Variants in DPP10 observed in about 807,000 individuals in gnomAD.
The protein encoded by DPP10 is dipeptidyl peptidase like 10.
DPP10 carries 33 observed loss-of-function variants against 120.9 expected under a neutral mutation model. That is an observed-to-expected ratio of 0.27 (90% CI 0.21 to 0.37). The LOEUF is 0.37. Ranked by LOEUF, DPP10 falls within the 10% of genes least tolerant of loss-of-function variation. The pLI is 1.00. For missense variants in DPP10, 816 were observed against 942.8 expected (o/e 0.87, Z 1.76); for synonymous variants, 337 against 326.1 (o/e 1.03, Z -0.36).
chr2:114,834,036 C>T (rs950067432), intron 1 of DPP10: 1 of 151,094 alleles, frequency 6.6e-6, no homozygotes, highest in Non-Finnish European at 1.5e-5. Flanking sequence ...CATATACACA[C>T]ACCTATGTAT....
At chr2:114,890,357 G>C (rs1476092094) in intron 1 of DPP10, among the ~76,000 whole-genome samples, 1 of 152,126 alleles carries the variant, frequency 6.6e-6, no homozygotes, top group East Asian at 1.9e-4. Flanking sequence ...AATTCTGAAA[G>C]GAAGATAGAG....
intron 1 of DPP10, among the ~76,000 whole-genome samples, chr2:114,900,705 T>G (rs1269089084): frequency 6.6e-6 from 1 of 152,224 alleles, no homozygotes; most frequent in Non-Finnish European, 1.5e-5. Flanking sequence ...AATTTTAATA[T>G]AATTTTCCAA....
chr2:114,937,150 C>T (rs1696547293), intron 1 of DPP10, among the ~76,000 whole-genome samples: 1 of 152,098 alleles, frequency 6.6e-6, no homozygotes, highest in African/African-American at 2.4e-5. Context: ...GGTTCCTGGT[C>T]ATGAAGTCTT....
intron 1 of DPP10, among the ~76,000 whole-genome samples, chr2:114,488,125 A>G (rs980555392): frequency 1.3e-5 from 2 of 152,228 alleles, no homozygotes; most frequent in Non-Finnish European, 2.9e-5. Context: ...AATTGCAAAA[A>G]TGGCTTTAAA....
intron 5 of DPP10, among the ~76,000 whole-genome samples, chr2:115,531,361 A>G (rs144334133): frequency 4.9e-4 from 74 of 152,188 alleles, no homozygotes; most frequent in African/African-American, 1.7e-3. Flanking sequence ...CTGATTCCTT[A>G]AACTGCAAGA....
chr2:115,239,900 G>A (rs2058189873), intron 1 of DPP10, among the ~76,000 whole-genome samples: 1 of 152,064 alleles, frequency 6.6e-6, no homozygotes, highest in Non-Finnish European at 1.5e-5. Flanking sequence ...ATGGTTTCCA[G>A]CTTCATCTGT....
chr2:115,242,000 T>G (rs959288963), intron 1 of DPP10, among the ~76,000 whole-genome samples: 1 of 152,118 alleles, frequency 6.6e-6, no homozygotes, highest in African/African-American at 2.4e-5. Flanking sequence ...GGTGGTACAG[T>G]TTTTTTAAAA....
intron 1 of DPP10, among the ~76,000 whole-genome samples, chr2:114,784,803 A>C (rs186551179): frequency 6.6e-6 from 1 of 150,938 alleles, no homozygotes; most frequent in East Asian, 1.9e-4. Flanking sequence ...AAATTGCAGA[A>C]AGCAGTGTTT....
At chr2:115,358,238 T>C (rs979189788) in intron 3 of DPP10, among the ~76,000 whole-genome samples, 1 of 152,146 alleles carries the variant, frequency 6.6e-6, no homozygotes, top group African/African-American at 2.4e-5. Context: ...GAGCACTTTG[T>C]CACTTAGAAA....
At chr2:114,962,712 C>T (rs1383660487) in intron 1 of DPP10, among the ~76,000 whole-genome samples, 2 of 152,122 alleles carry the variant, frequency 1.3e-5, no homozygotes, top group Non-Finnish European at 2.9e-5. Context: ...TCTCTTGGCA[C>T]CTATTAGCAT....
intron 3 of DPP10, among the ~76,000 whole-genome samples, chr2:115,386,377 C>T (rs902948657): frequency 1.3e-5 from 2 of 152,172 alleles, no homozygotes; most frequent in Non-Finnish European, 2.9e-5. Context: ...ATGCATCACT[C>T]TTACCTGTGA....
At chr2:115,513,113 C>G (rs2077319819) in intron 4 of DPP10, among the ~76,000 whole-genome samples, 1 of 151,666 alleles carries the variant, frequency 6.6e-6, no homozygotes, top group Admixed American at 6.6e-5. Context: ...TAGAATGGCC[C>G]TTTTATTATT....
intron 3 of DPP10, among the ~76,000 whole-genome samples, chr2:115,383,984 C>G (rs1233032119): frequency 6.6e-6 from 1 of 152,114 alleles, no homozygotes; most frequent in African/African-American, 2.4e-5. Context: ...AACCAATAGA[C>G]AAACCTAATT....
chr2:115,203,996 G>A (rs2055933005), intron 1 of DPP10, among the ~76,000 whole-genome samples: 1 of 152,094 alleles, frequency 6.6e-6, no homozygotes, highest in Non-Finnish European at 1.5e-5. Flanking sequence ...ATACCTAAAT[G>A]ACAAATTTCT....
chr2:114,943,017 T>C (rs1044658981), intron 1 of DPP10, among the ~76,000 whole-genome samples: 8 of 152,058 alleles, frequency 5.3e-5, no homozygotes, highest in South Asian at 2.1e-4. Context: ...ATCACCTACA[T>C]TGGATATTTC....
intron 1 of DPP10, among the ~76,000 whole-genome samples, chr2:115,105,422 TGAGAGAGAGAGAGAGAGA>T (rs10565038): frequency 6.8e-6 from 1 of 146,130 alleles, no homozygotes; most frequent in Non-Finnish European, 1.5e-5. Context: ...TGTCACATGG[TGAGAGAGAGAGAGAGAGA>T]GAGAGAGAGA....
chr2:115,435,251 G>A (rs2071387684), intron 3 of DPP10, among the ~76,000 whole-genome samples: 1 of 151,690 alleles, frequency 6.6e-6, no homozygotes, highest in Admixed American at 6.6e-5. Context: ...TCTGGGGAAG[G>A]AACACTATAT....
intron 1 of DPP10, among the ~76,000 whole-genome samples, chr2:114,455,196 G>T (rs1256127470): frequency 6.6e-6 from 1 of 150,814 alleles, no homozygotes; most frequent in Non-Finnish European, 1.5e-5. Flanking sequence ...GTTTGGGGGT[G>T]GTGGCATATG....
At chr2:114,473,093 TATC>T (rs1196647232) in intron 1 of DPP10, among the ~76,000 whole-genome samples, 2 of 152,236 alleles carry the variant, frequency 1.3e-5, no homozygotes, top group Non-Finnish European at 2.9e-5. Context: ...CCAAGCTTAT[TATC>T]ATTTTTTTTC....
Sources: gnomAD v4.1 joint callset for allele counts (sites outside exome capture counted in the v4.1 genomes callset) on GRCh38, gnomAD v4.1.1 for gene constraint, MANE v1.5 for transcripts, NCBI Gene and HGNC (gene_info 2026-07-23, HGNC 2026-07-21) for gene names.